Variants in TEX101 observed in about 807,000 individuals in gnomAD.
TEX101 encodes the protein testis-expressed protein 101.
A neutral mutation model predicts 18.1 loss-of-function variants in TEX101; 10 were observed. The observed-to-expected ratio is 0.55, with a 90% CI of 0.34 to 0.94. The LOEUF (loss-of-function observed/expected upper bound fraction) is 0.94. TEX101 is among the 40% of genes least tolerant of loss of function. The pLI is 0.02. For missense variants in TEX101, 259 were observed against 298.9 expected (o/e 0.87, Z 0.98); for synonymous variants, 94 against 114.8 (o/e 0.82, Z 1.16).
upstream of TEX101, among the ~76,000 whole-genome samples, chr19:43,411,736 C>T (rs185276043): frequency 4.1e-4 from 63 of 152,072 alleles, no homozygotes; most frequent in African/African-American, 1.4e-3. Context: ...CTGCAACCTC[C>T]GCCTCCCAGG....
chr19:43,390,216 G>A, the TEX101 span, among the ~76,000 whole-genome samples: 1 of 152,034 alleles, frequency 6.6e-6, no homozygotes, highest in Admixed American at 6.6e-5. Flanking sequence ...TTGCATCCGT[G>A]TGTATCTGTG....
Position 43,416,549 on chromosome 19 carries a change from AC to A in TEX101, c.387del (p.Thr130GlnfsTer59), listed in dbSNP as rs1970481890. The stretch of plus-strand genomic sequence containing the variant: ...GTCTCAGTTTTGGGAGTTCAGTGAG[AC>A]CACAGGTACCCTGGAAGTGGGGGAG... Reference protein sequence around the residue: ...SLSQFWEFSETTASTVSTTLH... With the variant: ...SLSQFWEFSEXTASTVSTTLH... On this transcript the variant is annotated frameshift_variant, in exon 4 of 6. Coordinates refer to ENST00000598265, the MANE Select transcript of TEX101 (RefSeq NM_001130011.3). LOFTEE classifies it high-confidence loss of function. The A allele has an allele frequency of 6.2e-7, 1 of 1,612,534 alleles. No individual in the cohort carries two copies. Among genetic ancestry groups the A allele is most frequent in the African/African-American group, 1.3e-5 (1 of 74,882 alleles).
At chr19:43,407,246 G>A (rs945092434) in intron 3 of TEX101, among the ~76,000 whole-genome samples, 1 of 152,196 alleles carries the variant, frequency 6.6e-6, no homozygotes, top group Non-Finnish European at 1.5e-5. Context: ...CACTTTGGTA[G>A]GCCAAGGCGG....
upstream of TEX101, among the ~76,000 whole-genome samples, chr19:43,410,030 T>G (rs1256168289): frequency 6.6e-6 from 1 of 151,532 alleles, no homozygotes; most frequent in Non-Finnish European, 1.5e-5. Flanking sequence ...TTGAGAGAGA[T>G]CCTGTCTCAA....
upstream of TEX101, among the ~76,000 whole-genome samples, chr19:43,396,743 G>A (rs1189266548): frequency 2.0e-5 from 3 of 151,306 alleles, no homozygotes; most frequent in Admixed American, 6.6e-5. Context: ...GCAAATTACC[G>A]CACGGCTTCG....
chr19:43,404,069 G>GT (rs33928385), intron 2 of TEX101, among the ~76,000 whole-genome samples: 5,303 of 103,016 alleles, frequency 0.051, 113 homozygotes, highest in Middle Eastern at 0.078. Flanking sequence ...AAGTGTGTGG[G>GT]TTTTTTTTTT....
the TEX101 span, among the ~76,000 whole-genome samples, chr19:43,393,149 AAGAC>A: frequency 1.3e-5 from 2 of 151,750 alleles, no homozygotes; most frequent in Non-Finnish European, 2.9e-5. Flanking sequence ...TAGAGAGACA[AAGAC>A]AGAGACAGAC....
At chr19:43,401,916 G>A (rs137933268) in intron 1 of TEX101, among the ~76,000 whole-genome samples, 24 of 152,246 alleles carry the variant, frequency 1.6e-4, no homozygotes, top group African/African-American at 5.3e-4. Context: ...AAAGCAAGTA[G>A]TGTCTGTGCA....
chr19:43,415,294 A>G (rs895540564), intron 1 of TEX101, among the ~76,000 whole-genome samples: 3 of 151,804 alleles, frequency 2.0e-5, no homozygotes, highest in Non-Finnish European at 4.4e-5. Flanking sequence ...AGACTGAGGG[A>G]GAAGCGGCCT....
At chr19:43,399,637 T>C (rs183788080), upstream of TEX101, among the ~76,000 whole-genome samples, 7 of 152,120 alleles carry the variant, frequency 4.6e-5, no homozygotes, top group African/African-American at 1.7e-4. Flanking sequence ...GCTAGTTCCC[T>C]AGCAACCTCC....
At chr19:43,407,075 G>A (rs561324639) in intron 3 of TEX101, among the ~76,000 whole-genome samples, 20 of 152,070 alleles carry the variant, frequency 1.3e-4, no homozygotes, top group African/African-American at 4.3e-4. Flanking sequence ...AAATGGGACC[G>A]CAGGCCTGAG....
upstream of TEX101, chr19:43,414,852 G>T: frequency 1.0e-6 from 1 of 985,472 alleles, no homozygotes; most frequent in East Asian, 1.1e-4. Context: ...ATGGGGTTTC[G>T]AGTGCTGTGT....
chr19:43,406,931 GTTT>G (rs1002990799), intron 3 of TEX101, among the ~76,000 whole-genome samples: 17 of 116,106 alleles, frequency 1.5e-4, no homozygotes, highest in East Asian at 1.1e-3. Flanking sequence ...TTTGTTTTTT[GTTT>G]TTTTTTTTTT....
the TEX101 span, among the ~76,000 whole-genome samples, chr19:43,391,995 C>T: frequency 6.6e-6 from 1 of 152,168 alleles, no homozygotes; most frequent in Non-Finnish European, 1.5e-5. Context: ...CCCTGCTGGC[C>T]ACCCAAGACC....
chr19:43,400,169 AT>A (rs761562538), upstream of TEX101, among the ~76,000 whole-genome samples: 16 of 152,160 alleles, frequency 1.1e-4, no homozygotes, highest in Non-Finnish European at 1.9e-4. Context: ...CTGCTTTGGC[AT>A]GGAAAATATC....
the TEX101 span, among the ~76,000 whole-genome samples, chr19:43,394,270 TAAG>T: frequency 2.0e-5 from 3 of 152,074 alleles, no homozygotes; most frequent in Admixed American, 6.6e-5. Context: ...CCCAGCAAGA[TAAG>T]AAGGAGCAAA....
chr19:43,406,181 T>A (rs1258300323), intron 2 of TEX101: 2 of 315,844 alleles, frequency 6.3e-6, no homozygotes, highest in African/African-American at 2.2e-5. Flanking sequence ...AAAACACAGC[T>A]TAGGCTGCTG....
chr19:43,393,960 C>G, the TEX101 span, among the ~76,000 whole-genome samples: 1 of 151,848 alleles, frequency 6.6e-6, no homozygotes, highest in African/African-American at 2.4e-5. Flanking sequence ...CCTTTTCTGG[C>G]TTTGAGGTGT....
At chr19:43,396,292 A>G in the TEX101 span, among the ~76,000 whole-genome samples, 1 of 152,196 alleles carries the variant, frequency 6.6e-6, no homozygotes, top group African/African-American at 2.4e-5. Flanking sequence ...AATTCCTGCT[A>G]TTCCTCATTG....
Sources: gnomAD v4.1 joint callset for allele counts (sites outside exome capture counted in the v4.1 genomes callset) on GRCh38, gnomAD v4.1.1 for gene constraint, MANE v1.5 for transcripts, NCBI Gene and HGNC (gene_info 2026-07-23, HGNC 2026-07-21) for gene names.